Variants in CACNB2 observed in about 807,000 individuals in gnomAD.
The protein encoded by CACNB2 is calcium voltage-gated channel auxiliary subunit beta 2, also known as voltage-dependent L-type calcium channel subunit beta-2.
A neutral mutation model predicts 73.3 loss-of-function variants in CACNB2; 42 were observed. The ratio of observed to expected loss-of-function variants is 0.57; its 90% CI spans 0.45 to 0.74. The LOEUF is 0.74. Among genes scored for constraint, CACNB2 ranks in the 30% least tolerant of loss-of-function variants. The pLI, the probability that CACNB2 is intolerant of heterozygous loss-of-function variation, is 0.00. For missense variants in CACNB2, 940 were observed against 853.0 expected (o/e 1.10, Z -1.27); for synonymous variants, 348 against 310.3 (o/e 1.12, Z -1.28).
Position 18,270,033 on chromosome 10 carries a change from C to A in CACNB2, c.213+119058C>A, listed in dbSNP as rs79085664. Among the ~76,000 whole-genome samples, 314 of 152,246 alleles carry A rather than the reference C, an allele frequency of 2.1e-3. 3 individuals carry two copies. The highest frequency in any genetic ancestry group is 6.9e-3 in the African/African-American group (286 of 41,542). ...ACTGCAGTAGTCCATTCTCACCCTG[C>A]TGTAAAGTAGTACTCAAGACTGGAT... On this transcript the variant is annotated intron_variant, in intron 2 of 13. Transcript: ENST00000324631.
At chr10:18,221,009 A>G (rs902400016) in intron 2 of CACNB2, among the ~76,000 whole-genome samples, 1 of 152,146 alleles carries the variant, frequency 6.6e-6, no homozygotes, top group Non-Finnish European at 1.5e-5. Flanking sequence ...CATGCTTGTG[A>G]TCTAAAGAAA....
intron 3 of CACNB2, among the ~76,000 whole-genome samples, chr10:18,488,824 GGAGA>G (rs1026462390): frequency 6.6e-6 from 1 of 151,740 alleles, no homozygotes; most frequent in South Asian, 2.1e-4. Context: ...CACAGGCTTT[GGAGA>G]GAGAGAGATT....
intron 2 of CACNB2, among the ~76,000 whole-genome samples, chr10:18,170,035 C>T (rs2033120092): frequency 6.6e-6 from 1 of 152,226 alleles, no homozygotes; most frequent in African/African-American, 2.4e-5. Context: ...GGCCCACTTT[C>T]TTCCTGGTTC....
intron 2 of CACNB2, among the ~76,000 whole-genome samples, chr10:18,330,992 C>A (rs1292605921): frequency 2.7e-5 from 4 of 147,904 alleles, no homozygotes; most frequent in Middle Eastern, 3.6e-3. Context: ...CCATGCCCGG[C>A]CTTTTTTTTT....
intron 7 of CACNB2, among the ~76,000 whole-genome samples, chr10:18,516,525 G>A (rs1028318025): frequency 2.6e-5 from 4 of 152,162 alleles, no homozygotes; most frequent in Non-Finnish European, 4.4e-5. Flanking sequence ...TAATTTCAAC[G>A]GTGGAAAAGG....
Position 18,536,209 on chromosome 10 carries a change from T to C in CACNB2, c.1302+13T>C, listed in dbSNP as rs2053554043. On this transcript the variant is annotated intron_variant, in intron 12 of 13. Transcript: ENST00000324631. The stretch of plus-strand genomic sequence containing the variant: ...TCAGTGTCCTCCAGTAAGTTATCTC[T>C]ATATACAGCATAATCCAGTTACAGA... 4.6e-6 allele frequency: 5 copies of C among 1,082,814 alleles called. No individual in the cohort carries two copies. The highest frequency in any genetic ancestry group is 1.3e-5 in the South Asian group (1 of 79,704). The allele number at this position is 1,082,814 out of a possible 1,614,324, so 67.1% of individuals were successfully genotyped here.
intron 2 of CACNB2, among the ~76,000 whole-genome samples, chr10:18,337,637 G>T (rs11013700): frequency 0.21 from 31,297 of 151,928 alleles, 3,723 homozygotes; most frequent in African/African-American, 0.31. Context: ...ACATATTACT[G>T]ATAAAGTTGC....
At chr10:18,410,031 T>G (rs1253836896) in intron 3 of CACNB2, among the ~76,000 whole-genome samples, 1 of 152,114 alleles carries the variant, frequency 6.6e-6, no homozygotes, top group Non-Finnish European at 1.5e-5. Context: ...CAATGTCCAG[T>G]CAGTGCTGTT....
chr10:18,220,859 T>C (rs2035764562), intron 2 of CACNB2, among the ~76,000 whole-genome samples: 1 of 152,160 alleles, frequency 6.6e-6, no homozygotes, highest in South Asian at 2.1e-4. Context: ...AACCATTCCC[T>C]ACAATCCCCC....
chr10:18,153,780 C>G (rs577884038), intron 2 of CACNB2, among the ~76,000 whole-genome samples: 1 of 149,118 alleles, frequency 6.7e-6, no homozygotes, highest in Admixed American at 6.8e-5. Context: ...TGGAGTTTCA[C>G]CATGTTGGCG....
At chr10:18,502,574 C>T (rs1478885917) in intron 5 of CACNB2, among the ~76,000 whole-genome samples, 1 of 150,728 alleles carries the variant, frequency 6.6e-6, no homozygotes, top group Non-Finnish European at 1.5e-5. Context: ...GCCTATAGTC[C>T]CAGCTACTTG....
chr10:18,314,528 G>A lies in CACNB2; in HGVS notation c.214-87396G>A, dbSNP rs111250918. ...CTGAAAAATTATTTGCCTAGAAGGGGAAACATATTCAGACAATTGAAATTC... is the reference window on the plus strand; with the variant it reads ...CTGAAAAATTATTTGCCTAGAAGGGAAAACATATTCAGACAATTGAAATTC... On this transcript the variant is annotated intron_variant, in intron 2 of 13. Coordinates refer to ENST00000324631, the MANE Select transcript of CACNB2 (RefSeq NM_201596.3). Among the ~76,000 whole-genome samples the A allele has an allele frequency of 5.8e-3, 880 of 151,308 alleles. 9 individuals are homozygous for A. The highest frequency in any genetic ancestry group is 0.02 in the African/African-American group (844 of 41,244).
chr10:18,461,895 C>G (rs1054778981), intron 3 of CACNB2, among the ~76,000 whole-genome samples: 1 of 147,404 alleles, frequency 6.8e-6, no homozygotes, highest in Non-Finnish European at 1.5e-5. Context: ...TATCCAGTAT[C>G]TGATAAGACA....
chr10:18,490,957 G>C (rs781492473), intron 3 of CACNB2, among the ~76,000 whole-genome samples: 6 of 152,142 alleles, frequency 3.9e-5, no homozygotes, highest in East Asian at 1.9e-4. Flanking sequence ...ATCTGGAATA[G>C]CTTCGCTTTC....
intron 3 of CACNB2, among the ~76,000 whole-genome samples, chr10:18,403,718 T>C (rs1399044696): frequency 6.6e-6 from 1 of 152,170 alleles, no homozygotes; most frequent in Non-Finnish European, 1.5e-5. Flanking sequence ...TTACTTGTCC[T>C]ACAGCCTAAA....
chr10:18,382,492 A>G (rs1381837453), intron 2 of CACNB2, among the ~76,000 whole-genome samples: 2 of 152,082 alleles, frequency 1.3e-5, no homozygotes, highest in African/African-American at 2.4e-5. Context: ...TCACCTAGGT[A>G]TGAAGCCCAG....
At chr10:18,317,790 A>T (rs1389072493) in intron 2 of CACNB2, among the ~76,000 whole-genome samples, 1 of 152,150 alleles carries the variant, frequency 6.6e-6, no homozygotes, top group Non-Finnish European at 1.5e-5. Flanking sequence ...CATTTATTCC[A>T]TACATATTTA....
At chr10:18,483,588 A>G (rs1480720217) in intron 3 of CACNB2, among the ~76,000 whole-genome samples, 1 of 152,078 alleles carries the variant, frequency 6.6e-6, no homozygotes, top group East Asian at 1.9e-4. Flanking sequence ...AAAATAAATG[A>G]TGAAATAAAA....
chr10:18,236,753 G>C (rs1446347985), intron 2 of CACNB2, among the ~76,000 whole-genome samples: 1 of 152,112 alleles, frequency 6.6e-6, no homozygotes, highest in African/African-American at 2.4e-5. Flanking sequence ...TGAAGCCATC[G>C]GTAACCTTGG....
Sources: allele counts gnomAD v4.1 joint callset (sites outside exome capture counted in the v4.1 genomes callset), GRCh38; gene constraint gnomAD v4.1.1; transcripts MANE v1.5; gene names NCBI Gene and HGNC (gene_info 2026-07-23, HGNC 2026-07-21).